CNTN5: variants seen among roughly 807,000 people sequenced by gnomAD.
The protein encoded by CNTN5 is contactin-5.
A neutral mutation model predicts 129.1 loss-of-function variants in CNTN5; 77 were observed. That is an observed-to-expected ratio of 0.60 (90% confidence interval 0.50 to 0.72). CNTN5 has a LOEUF of 0.72. CNTN5 is among the 30% of genes least tolerant of loss of function. The pLI is 0.00. For missense variants in CNTN5, 1,478 were observed against 1,328.8 expected (o/e 1.11, Z -1.75); for synonymous variants, 509 against 465.6 (o/e 1.09, Z -1.20).
intron 3 of CNTN5, among the ~76,000 whole-genome samples, chr11:99,704,718 T>G (rs1389258269): frequency 6.6e-6 from 1 of 151,160 alleles, no homozygotes; most frequent in Non-Finnish European, 1.5e-5. Context: ...TCCCTGTAGG[T>G]ATACACTACT....
At chr11:99,168,521 A>T (rs113978778) in intron 1 of CNTN5, among the ~76,000 whole-genome samples, 19,997 of 152,106 alleles carry the variant, frequency 0.13, 1,460 homozygotes, top group Middle Eastern at 0.24. Flanking sequence ...CAGAGGTTGC[A>T]GTAAGCTGAG....
At chr11:99,961,206 G>A (rs376318708) in intron 8 of CNTN5, among the ~76,000 whole-genome samples, 89 of 95,680 alleles carry the variant, frequency 9.3e-4, no homozygotes, top group Middle Eastern at 6.2e-3. Flanking sequence ...CTCCGTCTCA[G>A]AAAAAAAAAA....
At position 100,150,651 on chromosome 11, in the gene CNTN5, G is replaced by A. The variant is rs373838244; in HGVS notation, c.1581-40475G>A. Among the ~76,000 whole-genome samples, 47 of 151,470 alleles carry A rather than the reference G, an allele frequency of 3.1e-4. No individual in the cohort carries two copies. In the South Asian group the frequency reaches 5.8e-3, roughly 19 times the overall value. On this transcript the variant is annotated intron_variant, in intron 13 of 24. Transcript: ENST00000524871. The stretch of plus-strand genomic sequence containing the variant: ...CAGTCCTCATACACATGGAATACTC[G>A]GAAAATCAGTAAAATGTCATCAACA...
chr11:99,146,839 A>G (rs985966754), intron 1 of CNTN5, among the ~76,000 whole-genome samples: 1 of 151,930 alleles, frequency 6.6e-6, no homozygotes, highest in African/African-American at 2.4e-5. Flanking sequence ...CTCCCACCTC[A>G]GCCTCCCAAG....
intron 16 of CNTN5, among the ~76,000 whole-genome samples, chr11:100,235,350 T>C (rs1053819611): frequency 3.3e-5 from 5 of 152,128 alleles, no homozygotes; most frequent in African/African-American, 1.2e-4. Context: ...GGAGAAACTA[T>C]AGGGAAAGGA....
At chr11:100,288,184 C>A (rs1322586752) in intron 18 of CNTN5, among the ~76,000 whole-genome samples, 1 of 152,160 alleles carries the variant, frequency 6.6e-6, no homozygotes, top group African/African-American at 2.4e-5. Context: ...CCACTGTCAA[C>A]ATTAGACAGA....
At chr11:99,738,860 A>G (rs2135145929) in intron 3 of CNTN5, among the ~76,000 whole-genome samples, 1 of 152,284 alleles carries the variant, frequency 6.6e-6, no homozygotes, top group South Asian at 2.1e-4. Context: ...GTATGTCAAA[A>G]GTTTTTTTCT....
intron 1 of CNTN5, among the ~76,000 whole-genome samples, chr11:99,284,385 C>T (rs761764928): frequency 2.0e-5 from 3 of 152,014 alleles, no homozygotes; most frequent in Non-Finnish European, 4.4e-5. Context: ...AATTATTCAA[C>T]ACTTTTTCTG....
At chr11:99,433,540 C>A (rs1021861401) in intron 2 of CNTN5, among the ~76,000 whole-genome samples, 2 of 151,948 alleles carry the variant, frequency 1.3e-5, no homozygotes, top group African/African-American at 4.8e-5. Context: ...TTATTATTTT[C>A]TTTTAATTCA....
At chr11:99,212,819 T>C (rs1565407359) in intron 1 of CNTN5, among the ~76,000 whole-genome samples, 1 of 152,124 alleles carries the variant, frequency 6.6e-6, no homozygotes, top group Non-Finnish European at 1.5e-5. Context: ...ATATTAAATA[T>C]TAACAATATT....
At chr11:99,479,169 T>C (rs1010263416) in intron 2 of CNTN5, among the ~76,000 whole-genome samples, 1 of 152,082 alleles carries the variant, frequency 6.6e-6, no homozygotes, top group African/African-American at 2.4e-5. Context: ...TCATTAATTC[T>C]TATTTTTAAG....
Position 100,224,771 on chromosome 11 carries a change from C to T in CNTN5, c.1964C>T (p.Thr655Ile). The change falls in exon 16 of 25, where the codon ACA becomes ATA. Residue 655 changes from threonine to isoleucine, a missense_variant. Transcript: ENST00000524871. ...AGATATGGCTGCAGGGTACAGACCACAGCAGACAGTGTGTCAGATGAGGCA... is the reference window on the plus strand; with the variant it reads ...AGATATGGCTGCAGGGTACAGACCATAGCAGACAGTGTGTCAGATGAGGCA... ...AGRYGCRVQT[T>I]ADSVSDEAEL... 1 of 1,613,218 alleles carries T rather than the reference C, an allele frequency of 6.2e-7. No individual in the cohort carries two copies. Among genetic ancestry groups the T allele is most frequent in the Non-Finnish European group, 8.5e-7 (1 of 1,179,290 alleles).
chr11:99,385,488 T>A (rs1385998506), intron 2 of CNTN5, among the ~76,000 whole-genome samples: 1 of 152,178 alleles, frequency 6.6e-6, no homozygotes, highest in South Asian at 2.1e-4. Flanking sequence ...TTTATAGTAA[T>A]GTGTTAACAA....
rs1451951165 is a variant in CNTN5, at chr11:100,155,715, C to G, written c.1581-35411C>G. 2.0e-5 allele frequency among the ~76,000 whole-genome samples: 3 copies of G among 151,206 alleles called. No homozygotes were observed. The East Asian group carries it at 5.8e-4, about 29-fold the overall frequency. ...TTTCCTTGAGCAGTGGTTTGTAGTT[C>G]TCCTTGAGGTCCTTCACATCCCTTG... On this transcript the variant is annotated intron_variant, in intron 13 of 24. Coordinates refer to ENST00000524871, the MANE Select transcript of CNTN5 (RefSeq NM_014361.4).
chr11:99,291,045 A>T (rs1864152291), intron 1 of CNTN5, among the ~76,000 whole-genome samples: 1 of 151,926 alleles, frequency 6.6e-6, no homozygotes, highest in Non-Finnish European at 1.5e-5. Context: ...CCAAATGTAA[A>T]ACTAATTCAT....
chr11:99,110,880 A>G (rs942065455), intron 1 of CNTN5, among the ~76,000 whole-genome samples: 1 of 152,172 alleles, frequency 6.6e-6, no homozygotes, highest in African/African-American at 2.4e-5. Flanking sequence ...AAATAGATCC[A>G]TCATTATAGC....
intron 3 of CNTN5, among the ~76,000 whole-genome samples, chr11:99,732,105 A>C (rs1260480096): frequency 6.6e-6 from 1 of 152,206 alleles, no homozygotes; most frequent in Non-Finnish European, 1.5e-5. Context: ...CCAGCATTTG[A>C]GTTTCATCAG....
At chr11:99,122,836 G>T (rs949972510) in intron 1 of CNTN5, among the ~76,000 whole-genome samples, 12 of 152,060 alleles carry the variant, frequency 7.9e-5, no homozygotes, top group Non-Finnish European at 1.8e-4. Flanking sequence ...TCAGGATAAT[G>T]GTCTCCAGCT....
At chr11:99,532,696 C>T (rs937865272) in intron 2 of CNTN5, among the ~76,000 whole-genome samples, 2 of 152,114 alleles carry the variant, frequency 1.3e-5, no homozygotes, top group African/African-American at 4.8e-5. Flanking sequence ...TGGTTTCTGC[C>T]TTTCTTTCTT....
Sources: gnomAD v4.1 joint callset for allele counts (sites outside exome capture counted in the v4.1 genomes callset) on GRCh38, gnomAD v4.1.1 for gene constraint, MANE v1.5 for transcripts, NCBI Gene and HGNC (gene_info 2026-07-23, HGNC 2026-07-21) for gene names.